The following CNBD2 variants were observed in gnomAD, a reference collection of about 807,000 sequenced individuals.
CNBD2 encodes the protein cyclic nucleotide-binding domain-containing protein 2.
Under a neutral mutation model 63.7 loss-of-function variants are expected in CNBD2, and 64 were observed. The ratio of observed to expected loss-of-function variants is 1.00; its 90% CI spans 0.82 to 1.24. CNBD2 has a LOEUF of 1.24. Ranked by LOEUF, CNBD2 falls within the 50% of genes most tolerant of loss-of-function variation. The probability of loss-of-function intolerance (pLI) is 0.00; values close to 1 mark genes in which losing one functional copy is unlikely to be tolerated. For missense variants in CNBD2, 691 were observed against 713.5 expected (o/e 0.97, Z 0.36); for synonymous variants, 229 against 255.4 (o/e 0.90, Z 0.99).
intron 8 of CNBD2, among the ~76,000 whole-genome samples, chr20:36,001,885 C>T (rs558616691): frequency 5.3e-5 from 8 of 150,812 alleles, no homozygotes; most frequent in Admixed American, 1.3e-4. Context: ...GGATGGCGGC[C>T]GGGCAGAGAC....
upstream of CNBD2, among the ~76,000 whole-genome samples, chr20:35,967,451 C>T (rs1379943376): frequency 6.6e-6 from 1 of 150,522 alleles, no homozygotes; most frequent in African/African-American, 2.4e-5. Context: ...GGGGTTTCAC[C>T]ACATTGGCCA....
chr20:35,980,551 G>A lies in CNBD2; in HGVS notation c.336G>A (p.Gln112=), dbSNP rs747055433. 4.3e-6 allele frequency: 7 copies of A among 1,614,076 alleles called. No individual in the cohort carries two copies. In the African/African-American group the frequency reaches 6.7e-5, roughly 15 times the overall value. ...TCCAGGCCGTCTGTAACATCTTGCA[G>A]GTTCTGGATAGCTATCGGAACTACG... ...DEIQAVCNIL[Q]VLDSYRNYAE... Residue 112 remains glutamine, a synonymous_variant, in exon 4 of 12, where the codon CAG becomes CAA. Transcript: ENST00000373973.
intron 10 of CNBD2, among the ~76,000 whole-genome samples, chr20:36,023,188 T>A (rs778474950): frequency 1.3e-5 from 2 of 152,144 alleles, no homozygotes; most frequent in African/African-American, 4.8e-5. Flanking sequence ...TGATCCCAGA[T>A]AAATTCACCT....
chr20:35,999,729 G>A (rs1161709466), intron 8 of CNBD2, among the ~76,000 whole-genome samples: 1 of 150,394 alleles, frequency 6.6e-6, no homozygotes, highest in African/African-American at 2.5e-5. Flanking sequence ...CCAGGCTGGA[G>A]TGCAATGGCA....
At chr20:35,994,868 G>A (rs2056801314) in intron 7 of CNBD2, among the ~76,000 whole-genome samples, 170 bp from the exon 8 acceptor site, 1 of 152,102 alleles carries the variant, frequency 6.6e-6, no homozygotes, top group Non-Finnish European at 1.5e-5. Context: ...CAGCGTGGGT[G>A]ACAAAGTGAG....
intron 3 of CNBD2, 149 bp from the exon 4 acceptor site, chr20:35,980,310 C>A (rs775099502): frequency 6.0e-6 from 4 of 669,760 alleles, no homozygotes; most frequent in East Asian, 2.6e-5. Flanking sequence ...ATGTTTATCC[C>A]AGTGCCTGAC....
Position 36,023,767 on chromosome 20 carries a change from C to A in CNBD2, c.1435C>A (p.Pro479Thr). 1 of 1,608,684 alleles carries A rather than the reference C, an allele frequency of 6.2e-7. No individual in the cohort carries two copies. The highest frequency in any genetic ancestry group is 8.5e-7 in the Non-Finnish European group (1 of 1,177,484). ...KKLLKLNIAFPSDEDMCQKFL... is the reference protein window; with the variant it reads ...KKLLKLNIAFTSDEDMCQKFL... ...GTTGTTAAAGCTCAATATTGCATTCCCCAGGTCAGTACTGGAAATGTGCGT... is the reference window on the plus strand; with the variant it reads ...GTTGTTAAAGCTCAATATTGCATTCACCAGGTCAGTACTGGAAATGTGCGT... Residue 479 changes from proline (P) to threonine (T), a missense_variant, in exon 11 of 12, where the codon CCC becomes ACC. Transcript: ENST00000373973.
chr20:35,992,727 T>C (rs2056763185), intron 7 of CNBD2, among the ~76,000 whole-genome samples: 1 of 152,092 alleles, frequency 6.6e-6, no homozygotes, highest in Non-Finnish European at 1.5e-5. Context: ...CAACAAGCCA[T>C]ATTTTGGTAC....
chr20:35,959,631 C>G (rs1866074880), downstream of CNBD2, among the ~76,000 whole-genome samples: 1 of 152,190 alleles, frequency 6.6e-6, no homozygotes, highest in South Asian at 2.1e-4. Context: ...CTTCCCACAA[C>G]ACGTGGGAAT....
intron 11 of CNBD2, among the ~76,000 whole-genome samples, chr20:36,028,059 G>A (rs2057302069): frequency 6.6e-6 from 1 of 152,104 alleles, no homozygotes; most frequent in African/African-American, 2.4e-5. Flanking sequence ...AAAAATACTG[G>A]CGGTTCCTTC....
Position 36,003,371 on chromosome 20 carries a change from T to G in CNBD2, c.971-4926T>G, listed in dbSNP as rs2056943041. ...AATGTGAATTTTGAGTACTGCATAT[T>G]TTTTATTCCTGTAAATATTTCTGAA... is the stretch of plus-strand genomic sequence containing the variant. On this transcript the variant is annotated intron_variant, in intron 8 of 11. Coordinates refer to ENST00000373973, the MANE Select transcript of CNBD2 (RefSeq NM_001365709.1). Among the ~76,000 whole-genome samples the G allele has an allele frequency of 2.6e-5, 4 of 152,208 alleles. No individual in the cohort carries two copies. In the South Asian group the frequency reaches 8.3e-4, roughly 32 times the overall value.
chr20:36,004,418 A>G (rs2056956758), intron 8 of CNBD2, among the ~76,000 whole-genome samples: 1 of 151,978 alleles, frequency 6.6e-6, no homozygotes. Context: ...TCATCAATTC[A>G]AGGAGATTGC....
At position 36,008,303 on chromosome 20, in the gene CNBD2, C is replaced by G; in HGVS notation, c.977C>G (p.Ser326Cys). 1 of 1,608,392 alleles carries G rather than the reference C, an allele frequency of 6.2e-7. No individual in the cohort carries two copies. Among genetic ancestry groups the G allele is most frequent in the East Asian group, 2.2e-5 (1 of 44,844 alleles). Residue 326 changes from serine (S) to cysteine (C), a missense_variant, in exon 9 of 12, where the codon TCT (serine) becomes TGT (cysteine). Transcript: ENST00000373973. Reference sequence around the variant, plus strand: ...CCTGTGCTTTCTCTAACAGAATACTCTCCTATGGAAAGATTTAAGGAATTC... The same window carrying G: ...CCTGTGCTTTCTCTAACAGAATACTGTCCTATGGAAAGATTTAAGGAATTC... ...RPLKTHLSEY[S>C]PMERFKEFQI...
chr20:35,961,073 A>G (rs1020920276), intron 2 of CNBD2, among the ~76,000 whole-genome samples: 255 of 151,848 alleles, frequency 1.7e-3, no homozygotes, highest in African/African-American at 6.0e-3. Context: ...GGGATTACAG[A>G]CGCCTGCCAC....
chr20:35,982,257 C>T (rs948319504), intron 4 of CNBD2, among the ~76,000 whole-genome samples: 3 of 152,168 alleles, frequency 2.0e-5, no homozygotes, highest in Non-Finnish European at 4.4e-5. Flanking sequence ...ACAATGGCTG[C>T]TCATCAGTCC....
At chr20:35,969,447 C>G (rs2056381862) in intron 1 of CNBD2, among the ~76,000 whole-genome samples, 1 of 145,994 alleles carries the variant, frequency 6.8e-6, no homozygotes, top group Non-Finnish European at 1.5e-5. Flanking sequence ...CCATCCCATG[C>G]CCCTTTATTT....
At chr20:35,964,762 C>A (rs906720671), upstream of CNBD2, among the ~76,000 whole-genome samples, 1 of 150,372 alleles carries the variant, frequency 6.7e-6, no homozygotes, top group Non-Finnish European at 1.5e-5. Context: ...GAGTGCAGTG[C>A]CATGATCTCG....
intron 11 of CNBD2, among the ~76,000 whole-genome samples, chr20:36,030,077 G>T (rs986017011): frequency 8.5e-5 from 13 of 152,228 alleles, no homozygotes; most frequent in Non-Finnish European, 1.5e-4. Flanking sequence ...TTCTAAGTCT[G>T]TGAAATCTGG....
chr20:35,994,899 A>T, intron 7 of CNBD2, 139 bp from the exon 8 acceptor site: 1 of 590,246 alleles, frequency 1.7e-6, no homozygotes, highest in Non-Finnish European at 3.0e-6. Context: ...AAAAAAAAGA[A>T]AAAAGAACCT....
Sources: allele counts gnomAD v4.1 joint callset (sites outside exome capture counted in the v4.1 genomes callset), GRCh38; gene constraint gnomAD v4.1.1; transcripts MANE v1.5; gene names NCBI Gene and HGNC (gene_info 2026-07-23, HGNC 2026-07-21).